The following NSMCE2 variants were observed in gnomAD, a reference collection of about 807,000 sequenced individuals.
The protein encoded by NSMCE2 is E3 SUMO-protein ligase NSE2.
Under a neutral mutation model 23.8 loss-of-function variants are expected in NSMCE2, and 24 were observed. The ratio of observed to expected loss-of-function variants is 1.01; its 90% CI spans 0.73 to 1.42. The LOEUF is 1.42. Among genes scored for constraint, NSMCE2 ranks in the 40% most tolerant of loss-of-function variants. The probability of loss-of-function intolerance (pLI) is 0.00; values close to 1 mark genes in which losing one functional copy is unlikely to be tolerated. For synonymous variants in NSMCE2, 92 were observed against 94.1 expected (o/e 0.98, Z 0.13); for missense variants, 284 against 296.5 (o/e 0.96, Z 0.31).
intron 5 of NSMCE2, among the ~76,000 whole-genome samples, chr8:125,260,509 G>T (rs188310095): frequency 1.5e-3 from 229 of 149,672 alleles, no homozygotes; most frequent in African/African-American, 5.5e-3. Flanking sequence ...CCCTCACTTA[G>T]TGGACGTTGA....
chr8:125,254,658 A>G (rs1323102997), intron 5 of NSMCE2, among the ~76,000 whole-genome samples: 1 of 150,372 alleles, frequency 6.7e-6, no homozygotes, highest in Non-Finnish European at 1.5e-5. Context: ...AATTCTTCCC[A>G]TTTCTAACAT....
intron 5 of NSMCE2, among the ~76,000 whole-genome samples, chr8:125,337,313 A>G (rs1294339080): frequency 1.3e-5 from 2 of 152,216 alleles, no homozygotes; most frequent in East Asian, 1.9e-4. Flanking sequence ...AGGTCTGAAC[A>G]TAATTCTTCT....
chr8:125,201,235 TGGA>T (rs540133616), intron 5 of NSMCE2, among the ~76,000 whole-genome samples: 272 of 152,376 alleles, frequency 1.8e-3, no homozygotes, highest in Admixed American at 1.4e-3. Flanking sequence ...TGTGATCCGT[TGGA>T]GGAGAAGAGG....
intron 5 of NSMCE2, among the ~76,000 whole-genome samples, chr8:125,313,087 C>T (rs1829032010): frequency 7.1e-6 from 1 of 139,898 alleles, no homozygotes. Context: ...CACATGTATC[C>T]CAGAACTTAA....
intron 3 of NSMCE2, among the ~76,000 whole-genome samples, chr8:125,116,071 A>G (rs1008069790): frequency 2.0e-5 from 3 of 152,288 alleles, no homozygotes; most frequent in Admixed American, 6.5e-5. Context: ...ATTTATCTGT[A>G]GTCTCTTTCC....
intron 4 of NSMCE2, among the ~76,000 whole-genome samples, chr8:125,154,734 A>T (rs182991260): frequency 6.6e-5 from 10 of 152,276 alleles, no homozygotes; most frequent in Admixed American, 6.5e-4. Flanking sequence ...ACATGTCATA[A>T]AAGTGTTTTT....
chr8:125,182,710 A>G, intron 5 of NSMCE2: 1 of 175,344 alleles, frequency 5.7e-6, no homozygotes, highest in Non-Finnish European at 1.2e-5. Flanking sequence ...CTATAGACCA[A>G]AATCTCCTTG....
chr8:125,288,534 G>T lies in NSMCE2; in HGVS notation c.419-68685G>T, dbSNP rs75158156. ...TTACCAGGGATATTTCTCAAATCTG[G>T]CCTCTCTCTATGTCCTGGTCCTTTT... On this transcript the variant is annotated intron_variant, in intron 5 of 7. Coordinates refer to ENST00000287437, the MANE Select transcript of NSMCE2 (RefSeq NM_173685.4). 4.3e-3 allele frequency among the ~76,000 whole-genome samples: 647 copies of T among 152,062 alleles called. 7 individuals carry two copies. The highest frequency in any genetic ancestry group is 0.015 in the African/African-American group (621 of 41,448).
At chr8:125,295,972 A>G (rs1828307914) in intron 5 of NSMCE2, among the ~76,000 whole-genome samples, 1 of 152,232 alleles carries the variant, frequency 6.6e-6, no homozygotes, top group African/African-American at 2.4e-5. Flanking sequence ...CTATTAAACA[A>G]GAAATAACTA....
intron 5 of NSMCE2, among the ~76,000 whole-genome samples, chr8:125,238,956 G>T (rs1320330793): frequency 6.6e-6 from 1 of 152,204 alleles, no homozygotes; most frequent in African/African-American, 2.4e-5. Context: ...GATGTTTAAT[G>T]ATATGGGGCC....
At chr8:125,258,413 G>A (rs937419208) in intron 5 of NSMCE2, among the ~76,000 whole-genome samples, 10 of 152,112 alleles carry the variant, frequency 6.6e-5, no homozygotes, top group African/African-American at 2.2e-4. Context: ...CACAGTTTAG[G>A]GCTTTTATTC....
In NSMCE2 at chr8:125,245,759, C is replaced by T. The variant is rs570580466; in HGVS notation, c.418+63503C>T. On this transcript the variant is annotated intron_variant, in intron 5 of 7. Coordinates refer to ENST00000287437, the MANE Select transcript of NSMCE2 (RefSeq NM_173685.4). ...GATCAAAAGAAAATATGAAGGCCAG[C>T]TCTGTGGCTCACGCATGTAATCCCA... Among the ~76,000 whole-genome samples the T allele has an allele frequency of 3.9e-5, 6 of 152,282 alleles. No individual in the cohort carries two copies. In the South Asian group the frequency reaches 1.2e-3, roughly 32 times the overall value.
At chr8:125,237,246 C>G in intron 5 of NSMCE2, among the ~76,000 whole-genome samples, 1 of 152,168 alleles carries the variant, frequency 6.6e-6, no homozygotes. Context: ...AGAGAGGCAA[C>G]ATAATCTTAA....
At chr8:125,154,192 CAT>C (rs1289142534) in intron 4 of NSMCE2, among the ~76,000 whole-genome samples, 1 of 152,140 alleles carries the variant, frequency 6.6e-6, no homozygotes, top group South Asian at 2.1e-4. Flanking sequence ...TGAATTTTCA[CAT>C]AGTCATAGAA....
intron 5 of NSMCE2, among the ~76,000 whole-genome samples, chr8:125,350,748 G>A (rs1328130014): frequency 6.6e-6 from 1 of 152,202 alleles, no homozygotes; most frequent in South Asian, 2.1e-4. Flanking sequence ...CTGCCCCCAT[G>A]ATTCAGTTGC....
intron 5 of NSMCE2, among the ~76,000 whole-genome samples, chr8:125,231,056 ATAT>A (rs1455159379): frequency 5.3e-5 from 8 of 152,296 alleles, no homozygotes; most frequent in African/African-American, 1.9e-4. Context: ...TATCTAATAT[ATAT>A]TATTCTGGTT....
chr8:125,260,901 G>A (rs985429779), intron 5 of NSMCE2, among the ~76,000 whole-genome samples: 6 of 151,996 alleles, frequency 3.9e-5, no homozygotes, highest in African/African-American at 1.2e-4. Context: ...TAGGATTACA[G>A]GCATGAGCCA....
At chr8:125,339,747 GA>G (rs1386843226) in intron 5 of NSMCE2, among the ~76,000 whole-genome samples, 1 of 152,060 alleles carries the variant, frequency 6.6e-6, no homozygotes, top group East Asian at 1.9e-4. Flanking sequence ...GTCATTTTAA[GA>G]AGTCCTTGGT....
chr8:125,228,672 CAG>C (rs1397409128), intron 5 of NSMCE2, among the ~76,000 whole-genome samples: 1 of 152,126 alleles, frequency 6.6e-6, no homozygotes, highest in East Asian at 1.9e-4. Context: ...GTGAATGTCC[CAG>C]AGAGTCTGGT....
Sources: allele counts gnomAD v4.1 joint callset (sites outside exome capture counted in the v4.1 genomes callset), GRCh38; gene constraint gnomAD v4.1.1; transcripts MANE v1.5; gene names NCBI Gene and HGNC (gene_info 2026-07-23, HGNC 2026-07-21).